Variants in MKLN1 observed in about 807,000 individuals in gnomAD.
MKLN1 encodes the protein muskelin.
Under a neutral mutation model 99.0 loss-of-function variants are expected in MKLN1, and 18 were observed. That is an observed-to-expected ratio of 0.18 (90% confidence interval 0.13 to 0.27). MKLN1 has a LOEUF of 0.27. Ranked by LOEUF, MKLN1 falls within the 10% of genes least tolerant of loss-of-function variation. MKLN1 has a pLI of 1.00. For synonymous variants in MKLN1, 288 were observed against 293.2 expected (o/e 0.98, Z 0.18); for missense variants, 621 against 875.9 (o/e 0.71, Z 3.67).
At chr7:131,272,752 G>A (rs1371698224) in intron 3 of MKLN1, among the ~76,000 whole-genome samples, 1 of 152,188 alleles carries the variant, frequency 6.6e-6, no homozygotes, top group East Asian at 1.9e-4. Context: ...AGAAGCAAAA[G>A]TGGAAACCCC....
intron 1 of MKLN1, among the ~76,000 whole-genome samples, chr7:131,335,018 G>A (rs1003998686): frequency 2.6e-5 from 4 of 152,082 alleles, no homozygotes; most frequent in Non-Finnish European, 5.9e-5. Context: ...CTCTGCTACC[G>A]GATTTCCCAG....
Position 131,364,203 on chromosome 7 carries a change from AC to A in MKLN1, c.99-11220del, listed in dbSNP as rs570178143. Among the ~76,000 whole-genome samples, 187 of 152,202 alleles carry A rather than the reference AC, an allele frequency of 1.2e-3. 1 individual carries two copies. Among genetic ancestry groups the A allele is most frequent in the Admixed American group, 2.2e-3 (33 of 15,282 alleles). On this transcript the variant is annotated intron_variant, in intron 1 of 17. Transcript: ENST00000352689. ...TGAATTATAGTCTTTTAAGAAAAAA[AC>A]GTTTGTTTATTTATTTACATGTACT... is the stretch of plus-strand genomic sequence containing the variant.
chr7:131,418,951 C>G lies in MKLN1; in HGVS notation c.847+4241C>G, dbSNP rs112450021. The stretch of plus-strand genomic sequence containing the variant: ...AAATTAAACAGGTCTCTAGTTGTGA[C>G]TGGGTAATCCAGGACTCTGATCAAG... On this transcript the variant is annotated intron_variant, in intron 8 of 17. Coordinates refer to ENST00000352689, the MANE Select transcript of MKLN1 (RefSeq NM_013255.5). 3.1e-3 allele frequency among the ~76,000 whole-genome samples: 475 copies of G among 152,244 alleles called. 2 individuals carry two copies. Among genetic ancestry groups the G allele is most frequent in the African/African-American group, 0.011 (453 of 41,554 alleles).
At chr7:131,132,171 G>A (rs892169739) in intron 1 of MKLN1, among the ~76,000 whole-genome samples, 2 of 152,188 alleles carry the variant, frequency 1.3e-5, no homozygotes, top group African/African-American at 4.8e-5. Flanking sequence ...AACATTTCAA[G>A]TGCAAAAGAT....
chr7:131,174,957 A>T (rs1435428367), intron 2 of MKLN1, among the ~76,000 whole-genome samples: 1 of 1,706 alleles, frequency 5.9e-4, no homozygotes, highest in Non-Finnish European at 1.5e-3. Context: ...GGTAGATGAT[A>T]GATAGATAGA....
chr7:131,113,021 C>G (rs1584767286), intron 1 of MKLN1, among the ~76,000 whole-genome samples: 1 of 152,120 alleles, frequency 6.6e-6, no homozygotes, highest in Non-Finnish European at 1.5e-5. Flanking sequence ...GTGCTGGGTG[C>G]TGGGAATACA....
At chr7:131,151,848 C>T (rs958176531) in intron 2 of MKLN1, among the ~76,000 whole-genome samples, 3 of 152,040 alleles carry the variant, frequency 2.0e-5, no homozygotes, top group Middle Eastern at 3.4e-3. Context: ...AGAATATTCA[C>T]GATATATAAA....
chr7:131,365,206 C>T (rs557101765), intron 1 of MKLN1, among the ~76,000 whole-genome samples: 8 of 152,200 alleles, frequency 5.3e-5, no homozygotes, highest in East Asian at 3.9e-4. Flanking sequence ...CTCTAATGAT[C>T]GGTGATACTG....
At chr7:131,469,769 G>A (rs192000446) in intron 15 of MKLN1, among the ~76,000 whole-genome samples, 2 of 152,146 alleles carry the variant, frequency 1.3e-5, no homozygotes, top group East Asian at 3.9e-4. Context: ...TGTAATTATG[G>A]TATAACAGAG....
intron 12 of MKLN1, among the ~76,000 whole-genome samples, chr7:131,453,648 A>T (rs185847811): frequency 9.2e-5 from 14 of 152,268 alleles, no homozygotes; most frequent in Admixed American, 9.1e-4. Flanking sequence ...TTATAATTCC[A>T]ATTATTTTTA....
intron 3 of MKLN1, among the ~76,000 whole-genome samples, chr7:131,282,424 AAAGT>A (rs1798066218): frequency 6.6e-6 from 1 of 152,234 alleles, no homozygotes; most frequent in Non-Finnish European, 1.5e-5. Flanking sequence ...CCTAATTCAA[AAAGT>A]AAGACATAAA....
Position 131,444,742 on chromosome 7 carries a change from T to A in MKLN1, c.1396-1032T>A, listed in dbSNP as rs1360227292. On this transcript the variant is annotated intron_variant, in intron 11 of 17. Transcript: ENST00000352689. Reference sequence around the variant, plus strand: ...TGAGTAGTAGTAGTAGTAGTAGTAGTAGTAGTAGTAGTAGTAGAAGAAGTA... The same window carrying A: ...TGAGTAGTAGTAGTAGTAGTAGTAGAAGTAGTAGTAGTAGTAGAAGAAGTA... Among the ~76,000 whole-genome samples, 3 of 126,390 alleles carry A rather than the reference T, an allele frequency of 2.4e-5. No individual in the cohort carries two copies. In the East Asian group the frequency reaches 7.0e-4, roughly 29 times the overall value. 82.9% of individuals were successfully genotyped at this position (126,390 alleles called of 152,430 possible).
At chr7:131,201,474 C>G (rs2116408762) in intron 2 of MKLN1, among the ~76,000 whole-genome samples, 1 of 152,308 alleles carries the variant, frequency 6.6e-6, no homozygotes, top group Admixed American at 6.5e-5. Flanking sequence ...CAATTCTTAG[C>G]AGTCTATAGT....
intron 2 of MKLN1, among the ~76,000 whole-genome samples, chr7:131,173,238 C>G (rs1323745895): frequency 6.6e-6 from 1 of 151,804 alleles, no homozygotes; most frequent in Non-Finnish European, 1.5e-5. Flanking sequence ...GACGTACAAG[C>G]CCATCTTGAA....
intron 1 of MKLN1, among the ~76,000 whole-genome samples, chr7:131,351,757 G>A (rs760180542): frequency 2.0e-5 from 3 of 152,166 alleles, no homozygotes; most frequent in Admixed American, 6.6e-5. Flanking sequence ...CCTAGGTGGT[G>A]CCATATACTT....
chr7:131,183,553 CAG>C (rs150358901), intron 2 of MKLN1, among the ~76,000 whole-genome samples: 2,473 of 152,204 alleles, frequency 0.016, 76 homozygotes, highest in African/African-American at 0.057. Context: ...ATAAAAACAA[CAG>C]AGAATTATTA....
chr7:131,179,700 G>A (rs918761069), intron 2 of MKLN1, among the ~76,000 whole-genome samples: 5 of 151,366 alleles, frequency 3.3e-5, no homozygotes, highest in African/African-American at 4.9e-5. Context: ...TCAGCCTCCC[G>A]AGTAGCTGGG....
intron 3 of MKLN1, among the ~76,000 whole-genome samples, chr7:131,229,174 T>A (rs562386396): frequency 4.3e-5 from 6 of 139,050 alleles, no homozygotes; most frequent in East Asian, 4.3e-4. Flanking sequence ...TTTTTTTTTT[T>A]AATTATACTT....
intron 1 of MKLN1, among the ~76,000 whole-genome samples, chr7:131,124,159 C>A (rs1394786499): frequency 2.0e-5 from 3 of 152,078 alleles, no homozygotes; most frequent in African/African-American, 7.2e-5. Context: ...TGTAAATCAG[C>A]AGGTGTAGTA....
Sources: allele counts gnomAD v4.1 joint callset (sites outside exome capture counted in the v4.1 genomes callset), GRCh38; gene constraint gnomAD v4.1.1; transcripts MANE v1.5; gene names NCBI Gene and HGNC (gene_info 2026-07-23, HGNC 2026-07-21).